Variants in MSRA observed in about 807,000 individuals in gnomAD.
The protein encoded by MSRA is mitochondrial peptide methionine sulfoxide reductase.
A neutral mutation model predicts 31.3 loss-of-function variants in MSRA; 54 were observed. The observed-to-expected ratio is 1.73, with a 90% CI of 1.39 to 2.17. The LOEUF (loss-of-function observed/expected upper bound fraction) is 2.17, where lower values mean the gene tolerates loss of function less well. Among genes scored for constraint, MSRA ranks in the 30% most tolerant of loss-of-function variants. The pLI is 0.00. For synonymous variants in MSRA, 169 were observed against 116.5 expected, an observed-to-expected ratio of 1.45 and a Z score of -2.90; for missense variants, 507 against 300.9, an observed-to-expected ratio of 1.69 and a Z score of -5.07.
chr8:10,216,473 G>C lies in MSRA; in HGVS notation c.211+8572G>C, dbSNP rs979201646. On this transcript the variant is annotated intron_variant, in intron 2 of 5. Coordinates refer to ENST00000317173, the MANE Select transcript of MSRA (RefSeq NM_012331.5). ...CATTTTTTAAGCGTATGGTCCAGTG[G>C]TGTTAAGTACCTTCACATTGTTTTG... Among the ~76,000 whole-genome samples, 54 of 152,128 alleles carry C rather than the reference G, an allele frequency of 3.5e-4. 2 individuals carry two copies. The highest frequency in any genetic ancestry group is 2.9e-5 in the Non-Finnish European group (2 of 68,012).
At chr8:10,390,292 T>C (rs1806659176) in intron 5 of MSRA, among the ~76,000 whole-genome samples, 1 of 152,162 alleles carries the variant, frequency 6.6e-6, no homozygotes, top group African/African-American at 2.4e-5. Flanking sequence ...GGCGTGGCCT[T>C]GTGTTTCCTG....
intron 5 of MSRA, among the ~76,000 whole-genome samples, chr8:10,422,010 G>A (rs1236948582): frequency 2.0e-5 from 3 of 152,226 alleles, no homozygotes; most frequent in Admixed American, 6.5e-5. Flanking sequence ...AGGCTGTGTC[G>A]TGGCTCACAC....
At chr8:10,415,331 A>G (rs1808393202) in intron 5 of MSRA, among the ~76,000 whole-genome samples, 1 of 152,082 alleles carries the variant, frequency 6.6e-6, no homozygotes. Context: ...TAATGGGAAA[A>G]CAAATGACGG....
At chr8:10,295,442 G>A (rs1266315151) in intron 3 of MSRA, among the ~76,000 whole-genome samples, 2 of 152,128 alleles carry the variant, frequency 1.3e-5, no homozygotes, top group African/African-American at 2.4e-5. Context: ...CAGACCACGT[G>A]GGCCTAGACT....
chr8:10,106,708 T>C (rs1799905738), intron 1 of MSRA, among the ~76,000 whole-genome samples: 1 of 152,198 alleles, frequency 6.6e-6, no homozygotes, highest in Non-Finnish European at 1.5e-5. Flanking sequence ...ATTTGTTCAC[T>C]CTGTCATGGG....
intron 3 of MSRA, among the ~76,000 whole-genome samples, chr8:10,289,521 C>T (rs531376091): frequency 2.6e-5 from 4 of 152,194 alleles, no homozygotes; most frequent in Admixed American, 6.5e-5. Context: ...ACAGACAATC[C>T]ATTTATTTTC....
chr8:10,405,850 C>G (rs2129186072), intron 5 of MSRA, among the ~76,000 whole-genome samples: 1 of 152,378 alleles, frequency 6.6e-6, no homozygotes, highest in African/African-American at 2.4e-5. Flanking sequence ...GACATGCTCA[C>G]ACACCCATGT....
intron 1 of MSRA, among the ~76,000 whole-genome samples, chr8:10,146,377 A>G (rs1228517491): frequency 6.6e-6 from 1 of 152,176 alleles, no homozygotes; most frequent in African/African-American, 2.4e-5. Flanking sequence ...TGAAACTGTG[A>G]GCAAAAGCAG....
chr8:10,163,916 C>CG (rs1804889398), intron 1 of MSRA, among the ~76,000 whole-genome samples: 1 of 152,230 alleles, frequency 6.6e-6, no homozygotes, highest in Non-Finnish European at 1.5e-5. Flanking sequence ...GAACATGCTA[C>CG]GTGTCATCTA....
At chr8:10,285,444 G>T (rs1799882026) in intron 3 of MSRA, among the ~76,000 whole-genome samples, 1 of 152,086 alleles carries the variant, frequency 6.6e-6, no homozygotes, top group African/African-American at 2.4e-5. Context: ...GATCAAATCA[G>T]AGTAATTAGC....
At chr8:10,154,532 C>T (rs2129038609) in intron 1 of MSRA, among the ~76,000 whole-genome samples, 1 of 152,168 alleles carries the variant, frequency 6.6e-6, no homozygotes, top group South Asian at 2.1e-4. Flanking sequence ...CACCCGCCAC[C>T]ACGCCCAACT....
intron 5 of MSRA, among the ~76,000 whole-genome samples, chr8:10,404,135 T>A (rs975363563): frequency 1.2e-4 from 18 of 152,146 alleles, no homozygotes; most frequent in Non-Finnish European, 1.8e-4. Flanking sequence ...GCCCTCCGCA[T>A]GTCACAATGC....
intron 5 of MSRA, among the ~76,000 whole-genome samples, chr8:10,321,325 C>A (rs1007305299): frequency 6.6e-6 from 1 of 152,216 alleles, no homozygotes; most frequent in Admixed American, 6.5e-5. Flanking sequence ...TATGCAACAG[C>A]CCCCAGGAAT....
At chr8:10,318,807 C>A (rs951017641) in intron 4 of MSRA, among the ~76,000 whole-genome samples, 1 of 152,186 alleles carries the variant, frequency 6.6e-6, no homozygotes, top group East Asian at 1.9e-4. Context: ...GGGCTTCACG[C>A]TTGAGGGTAC....
chr8:10,414,312 G>A (rs768304675), intron 5 of MSRA, among the ~76,000 whole-genome samples: 2 of 152,228 alleles, frequency 1.3e-5, no homozygotes, highest in Non-Finnish European at 2.9e-5. Flanking sequence ...GCATCCTGCT[G>A]ACTTAACTTC....
intron 4 of MSRA, among the ~76,000 whole-genome samples, chr8:10,305,541 G>C (rs1448100385): frequency 1.3e-5 from 2 of 151,700 alleles, no homozygotes; most frequent in East Asian, 1.9e-4. Flanking sequence ...AGCCTCCTGA[G>C]TAGCTTGGAT....
chr8:10,288,350 C>T (rs11784779), intron 3 of MSRA, among the ~76,000 whole-genome samples: 56,918 of 151,912 alleles, frequency 0.37, 11,089 homozygotes, highest in Admixed American at 0.48. Context: ...CCCCAAGAAC[C>T]GATTTTTGCC....
intron 4 of MSRA, among the ~76,000 whole-genome samples, chr8:10,317,412 G>C (rs1208979317): frequency 6.6e-6 from 1 of 152,200 alleles, no homozygotes; most frequent in Non-Finnish European, 1.5e-5. Flanking sequence ...CTTCATTATA[G>C]ATGAAGCGTT....
chr8:10,168,357 G>T (rs757756309), intron 1 of MSRA, among the ~76,000 whole-genome samples: 1 of 152,036 alleles, frequency 6.6e-6, no homozygotes, highest in Non-Finnish European at 1.5e-5. Context: ...GGTCTTCCAC[G>T]TCGCTGGTGT....
Sources: gnomAD v4.1 joint callset for allele counts (sites outside exome capture counted in the v4.1 genomes callset) on GRCh38, gnomAD v4.1.1 for gene constraint, MANE v1.5 for transcripts, NCBI Gene and HGNC (gene_info 2026-07-23, HGNC 2026-07-21) for gene names.